CUBN: variants seen among roughly 807,000 people sequenced by gnomAD.
CUBN encodes the protein cubilin.
In CUBN, 282 loss-of-function variants were observed where a neutral mutation model predicts 405.3. That is an observed-to-expected ratio of 0.70 (90% CI 0.63 to 0.77). The LOEUF is 0.77. Among genes scored for constraint, CUBN ranks in the 30% least tolerant of loss-of-function variants. CUBN has a pLI of 0.00. For missense variants in CUBN, 4,514 were observed against 4,475.2 expected, an observed-to-expected ratio of 1.01 and a Z score of -0.25; for synonymous variants, 1,684 against 1,617.0, an observed-to-expected ratio of 1.04 and a Z score of -0.99.
chr10:17,124,961 A>G (rs867624995), intron 4 of CUBN, among the ~76,000 whole-genome samples: 1 of 152,024 alleles, frequency 6.6e-6, no homozygotes, highest in South Asian at 2.1e-4. Context: ...CCTCCTCAGT[A>G]GCTGGGACTA....
At chr10:17,016,320 CCCAGTGGGGAT>C (rs1834327320) in intron 28 of CUBN, among the ~76,000 whole-genome samples, 1 of 152,150 alleles carries the variant, frequency 6.6e-6, no homozygotes, top group Non-Finnish European at 1.5e-5. Context: ...GAGTCGAGGT[CCCAGTGGGGAT>C]CCATACTGGG....
At chr10:17,053,615 C>A (rs1564496282) in intron 22 of CUBN, among the ~76,000 whole-genome samples, 1 of 152,028 alleles carries the variant, frequency 6.6e-6, no homozygotes, top group African/African-American at 2.4e-5. Context: ...AAAAATAAAA[C>A]CATGATTAGA....
At chr10:17,073,978 T>A (rs1000959247) in intron 17 of CUBN, among the ~76,000 whole-genome samples, 11 of 152,208 alleles carry the variant, frequency 7.2e-5, no homozygotes, top group African/African-American at 2.7e-4. Context: ...CTGGACATTT[T>A]TGGAGGTGAA....
At position 17,047,411 on chromosome 10, in the gene CUBN, G is replaced by A. The variant is rs766499026; in HGVS notation, c.3329+3C>T. On this transcript the variant is annotated splice_donor_region_variant and intron_variant, in intron 23 of 66. Transcript: ENST00000377833. ...TTATAATGAAATAAATAAAAGTGCTGACCTGATTTCCAGAAAATCTGTATA... is the reference window on the plus strand; with the variant it reads ...TTATAATGAAATAAATAAAAGTGCTAACCTGATTTCCAGAAAATCTGTATA... The A allele has an allele frequency of 1.1e-5, 18 of 1,600,610 alleles. No individual in the cohort carries two copies. The highest frequency in any genetic ancestry group is 1.5e-5 in the Non-Finnish European group (17 of 1,168,100).
Position 16,862,158 on chromosome 10 carries a change from T to TCACA in CUBN, c.9454+7477_9454+7478insTGTG, listed in dbSNP as rs796948941. Among the ~76,000 whole-genome samples the TCACA allele has an allele frequency of 4.1e-3, 375 of 90,806 alleles. 3 individuals are homozygous for TCACA. The South Asian group carries it at 0.045, about 11-fold the overall frequency. 59.6% of individuals were successfully genotyped at this position (90,806 alleles called of 152,430 possible). A position where few individuals can be genotyped will look rare whatever the true frequency, so the allele number is the denominator to read the frequency against. On this transcript the variant is annotated intron_variant, in intron 59 of 66. Coordinates refer to ENST00000377833, the MANE Select transcript of CUBN (RefSeq NM_001081.4). ...GTGAGACTCCGTCTCTCTCTCTCTCTCTCACACACACACACACACACACAC... is the reference window on the plus strand; with the variant it reads ...GTGAGACTCCGTCTCTCTCTCTCTCTCACACTCACACACACACACACACACACAC...
Position 17,087,472 on chromosome 10 carries a change from C to CTTTTTTTTTTTTTTT in CUBN, c.1947+677_1947+691dup, listed in dbSNP as rs775573918. Among the ~76,000 whole-genome samples, 225 of 71,680 alleles carry CTTTTTTTTTTTTTTT rather than the reference C, an allele frequency of 3.1e-3. 3 individuals carry two copies. The highest frequency in any genetic ancestry group is 3.7e-3 in the Non-Finnish European group (140 of 37,742). 47.0% of individuals were successfully genotyped at this position (71,680 alleles called of 152,430 possible). On this transcript the variant is annotated intron_variant, in intron 15 of 66. Transcript: ENST00000377833. ...CACAATCACTATTATTTTTCTTTTT[C>CTTTTTTTTTTTTTTT]TTTTTTTTTTTTTTTTTTTTTTAGA...
chr10:16,952,251 T>G (rs1471683845), intron 33 of CUBN, 25 bp downstream of exon 33: 1 of 1,552,140 alleles, frequency 6.4e-7, no homozygotes, highest in East Asian at 2.2e-5. Context: ...CTGTGTGCCT[T>G]TTCTTTTTCA....
intron 22 of CUBN, among the ~76,000 whole-genome samples, chr10:17,049,412 A>G (rs574767670): frequency 3.3e-5 from 5 of 152,258 alleles, no homozygotes; most frequent in African/African-American, 1.2e-4. Context: ...GGGAAATACA[A>G]TTGTCTTGCA....
chr10:17,071,473 C>T lies in CUBN; in HGVS notation c.2578G>A (p.Val860Ile). 6.2e-7 allele frequency: 1 copy of T among 1,613,964 alleles called. No homozygotes were observed. Residue 860 changes from valine to isoleucine, a missense_variant, in exon 19 of 67, where the codon GTC becomes ATC. Val to Ile is a conservative substitution (Grantham distance 29, BLOSUM62 3). This residue lies in a region of CUBN where 1,448 missense variants were observed against 1,388.0 expected (regional missense o/e 1.04). Transcript: ENST00000377833. ...TGGGCAGAACTTCCAATTTCAAAGA[C>T]AGTGAAGTTGAGGAGAATGACTTGG... ...QSQVILLNFTVFEIGSSAHCE... is the reference protein window; with the variant it reads ...QSQVILLNFTIFEIGSSAHCE...
intron 36 of CUBN, among the ~76,000 whole-genome samples, chr10:16,941,615 G>T (rs1842652699): frequency 6.6e-6 from 1 of 152,062 alleles, no homozygotes; most frequent in Non-Finnish European, 1.5e-5. Flanking sequence ...AGGCTGAGGT[G>T]GGAGGATCAC....
chr10:16,942,863 A>AGGAAGGGAAGGGAAGGGAAGGGAAG (rs112417434), intron 36 of CUBN, among the ~76,000 whole-genome samples: 1 of 129,740 alleles, frequency 7.7e-6, no homozygotes, highest in African/African-American at 3.0e-5. Context: ...GGGAAGGGAA[A>AGGAAGGGAAGGGAAGGGAAGGGAAG]GGAAGGGAAG....
intron 31 of CUBN, among the ~76,000 whole-genome samples, chr10:16,960,478 T>G (rs1843185411): frequency 1.3e-5 from 2 of 152,024 alleles, no homozygotes; most frequent in Non-Finnish European, 2.9e-5. Context: ...GGTGACAGAA[T>G]AAGACTCCAT....
At chr10:16,908,303 G>A (rs1460721130) in intron 48 of CUBN, among the ~76,000 whole-genome samples, 1 of 151,826 alleles carries the variant, frequency 6.6e-6, no homozygotes, top group South Asian at 2.1e-4. Context: ...GCACCACCAC[G>A]CCCAGCTAAT....
At chr10:16,857,015 C>T (rs369121648) in intron 59 of CUBN, among the ~76,000 whole-genome samples, 1 of 152,292 alleles carries the variant, frequency 6.6e-6, no homozygotes, top group East Asian at 1.9e-4. Flanking sequence ...TACACAATTG[C>T]TCCAAAGCAG....
At chr10:17,021,882 G>T (rs975927149) in intron 27 of CUBN, among the ~76,000 whole-genome samples, 1 of 152,092 alleles carries the variant, frequency 6.6e-6, no homozygotes, top group African/African-American at 2.4e-5. Flanking sequence ...CCTACTGATT[G>T]TGAGTCGCCT....
chr10:16,895,495 C>A (rs1301930392), intron 54 of CUBN, among the ~76,000 whole-genome samples: 1 of 152,136 alleles, frequency 6.6e-6, no homozygotes, highest in Non-Finnish European at 1.5e-5. Context: ...GTGTTGAAGT[C>A]CTCAGCTATA....
intron 22 of CUBN, 44 bp downstream of exon 22, chr10:17,065,464 G>A: frequency 1.2e-6 from 2 of 1,609,394 alleles, no homozygotes; most frequent in South Asian, 1.1e-5. Flanking sequence ...GCACTGTTTT[G>A]CAATGGAGTC....
chr10:16,876,413 T>G (rs1258355622), intron 57 of CUBN, among the ~76,000 whole-genome samples: 1 of 152,250 alleles, frequency 6.6e-6, no homozygotes, highest in Non-Finnish European at 1.5e-5. Context: ...TAGTTGAATA[T>G]ATCAATCTTT....
chr10:17,057,286 C>A (rs1427520201), intron 22 of CUBN, among the ~76,000 whole-genome samples: 2 of 152,086 alleles, frequency 1.3e-5, no homozygotes. Flanking sequence ...CATATTTACA[C>A]CCACATGCAA....
Sources: allele counts gnomAD v4.1 joint callset (sites outside exome capture counted in the v4.1 genomes callset), GRCh38; gene constraint gnomAD v4.1.1; regional missense constraint gnomAD v4.1.1; transcripts MANE v1.5; gene names NCBI Gene and HGNC (gene_info 2026-07-23, HGNC 2026-07-21).